SLC25A21: variants seen among roughly 807,000 people sequenced by gnomAD.
The protein encoded by SLC25A21 is mitochondrial 2-oxodicarboxylate carrier.
SLC25A21 carries 47 observed loss-of-function variants against 43.8 expected under a neutral mutation model. The observed-to-expected ratio is 1.07, with a 90% CI of 0.85 to 1.37. The LOEUF is 1.37. Ranked by LOEUF, SLC25A21 falls within the 40% of genes most tolerant of loss-of-function variation. SLC25A21 has a pLI of 0.00. For synonymous variants in SLC25A21, 131 were observed against 121.3 expected, an observed-to-expected ratio of 1.08 and a Z score of -0.52; for missense variants, 352 against 350.2, an observed-to-expected ratio of 1.00 and a Z score of -0.04.
intron 1 of SLC25A21, among the ~76,000 whole-genome samples, chr14:36,998,429 G>A (rs927545769): frequency 6.6e-6 from 1 of 152,150 alleles, no homozygotes; most frequent in African/African-American, 2.4e-5. Context: ...CATGAATCAT[G>A]AGGAATCATG....
intron 1 of SLC25A21, among the ~76,000 whole-genome samples, chr14:37,110,077 T>G (rs1962990376): frequency 6.6e-6 from 1 of 152,222 alleles, no homozygotes; most frequent in Non-Finnish European, 1.5e-5. Flanking sequence ...TGACCTGTGC[T>G]TTCCATAAAG....
intron 2 of SLC25A21, among the ~76,000 whole-genome samples, chr14:36,825,743 G>C (rs1888806944): frequency 6.6e-6 from 1 of 152,100 alleles, no homozygotes; most frequent in Non-Finnish European, 1.5e-5. Flanking sequence ...GGGAAACCTA[G>C]GTTTCCTAAA....
intron 2 of SLC25A21, among the ~76,000 whole-genome samples, chr14:36,834,961 G>A (rs1420387517): frequency 6.6e-6 from 1 of 152,194 alleles, no homozygotes; most frequent in Non-Finnish European, 1.5e-5. Flanking sequence ...AACTGCAAAT[G>A]TGAACTGGGA....
intron 1 of SLC25A21, among the ~76,000 whole-genome samples, chr14:36,967,618 T>C (rs1161742115): frequency 6.6e-6 from 1 of 152,224 alleles, no homozygotes; most frequent in African/African-American, 2.4e-5. Flanking sequence ...CTATTAGCCT[T>C]GTATCTTTAT....
At chr14:36,898,750 C>G (rs2138594451) in intron 1 of SLC25A21, among the ~76,000 whole-genome samples, 1 of 152,100 alleles carries the variant, frequency 6.6e-6, no homozygotes, top group East Asian at 1.9e-4. Flanking sequence ...ATGGTGGCCA[C>G]CAGAGCTGCC....
intron 2 of SLC25A21, among the ~76,000 whole-genome samples, chr14:36,820,983 A>G (rs1420348924): frequency 6.6e-6 from 1 of 152,270 alleles, no homozygotes; most frequent in Admixed American, 6.5e-5. Flanking sequence ...TTAAATAAAT[A>G]AAGATTTTAA....
At chr14:37,073,816 C>A (rs573309811) in intron 1 of SLC25A21, among the ~76,000 whole-genome samples, 9 of 152,244 alleles carry the variant, frequency 5.9e-5, no homozygotes, top group African/African-American at 2.2e-4. Context: ...AGGTTAGCCT[C>A]CTGCGATCCC....
chr14:37,000,965 T>C (rs140886773), intron 1 of SLC25A21, among the ~76,000 whole-genome samples: 14,639 of 152,116 alleles, frequency 0.096, 736 homozygotes, highest in Admixed American at 0.12. Flanking sequence ...CAGTCTCAGG[T>C]AGTTCTTTAT....
At chr14:37,000,686 A>T (rs1399718447) in intron 1 of SLC25A21, among the ~76,000 whole-genome samples, 1 of 152,146 alleles carries the variant, frequency 6.6e-6, no homozygotes, top group African/African-American at 2.4e-5. Flanking sequence ...ATGTCAGGGG[A>T]GGGACCTGGT....
At chr14:37,113,126 G>C (rs1396174524) in intron 1 of SLC25A21, among the ~76,000 whole-genome samples, 1 of 152,068 alleles carries the variant, frequency 6.6e-6, no homozygotes, top group East Asian at 1.9e-4. Flanking sequence ...ACCTCAGGTA[G>C]GTCAGATTTC....
At chr14:37,147,955 A>G (rs1963696964) in intron 1 of SLC25A21, among the ~76,000 whole-genome samples, 1 of 146,320 alleles carries the variant, frequency 6.8e-6, no homozygotes, top group Non-Finnish European at 1.5e-5. Flanking sequence ...CTCCTGCCTC[A>G]GCCTCCCGAG....
At chr14:36,986,293 C>T (rs1263495561) in intron 1 of SLC25A21, among the ~76,000 whole-genome samples, 1 of 152,158 alleles carries the variant, frequency 6.6e-6, no homozygotes, top group Non-Finnish European at 1.5e-5. Context: ...CTGTCTTCTT[C>T]CTTTTCATAT....
chr14:36,945,433 T>C (rs1431089513), intron 1 of SLC25A21, among the ~76,000 whole-genome samples: 1 of 152,164 alleles, frequency 6.6e-6, no homozygotes, highest in African/African-American at 2.4e-5. Flanking sequence ...AGCAGCGCTA[T>C]TCATGAGAGG....
At chr14:36,989,570 T>A (rs1332662400) in intron 1 of SLC25A21, among the ~76,000 whole-genome samples, 3 of 152,142 alleles carry the variant, frequency 2.0e-5, no homozygotes, top group Admixed American at 2.0e-4. Context: ...TCACATTATT[T>A]ATGAAGTCTT....
At chr14:37,115,579 ATATTGC>A (rs1963092659) in intron 1 of SLC25A21, among the ~76,000 whole-genome samples, 1 of 152,242 alleles carries the variant, frequency 6.6e-6, no homozygotes, top group South Asian at 2.1e-4. Flanking sequence ...TAACAATTCA[ATATTGC>A]TAACAGTGGT....
At chr14:37,015,910 T>G (rs1339713287) in intron 1 of SLC25A21, among the ~76,000 whole-genome samples, 1 of 152,012 alleles carries the variant, frequency 6.6e-6, no homozygotes, top group African/African-American at 2.4e-5. Flanking sequence ...TCTTGTAAAT[T>G]TGTTTGAGTT....
At chr14:37,116,010 A>C (rs909553738) in intron 1 of SLC25A21, among the ~76,000 whole-genome samples, 1 of 152,202 alleles carries the variant, frequency 6.6e-6, no homozygotes, top group African/African-American at 2.4e-5. Context: ...ATATTTATCT[A>C]TGTAAAACTG....
At chr14:37,052,287 A>C (rs1961724653) in intron 1 of SLC25A21, among the ~76,000 whole-genome samples, 1 of 152,188 alleles carries the variant, frequency 6.6e-6, no homozygotes, top group South Asian at 2.1e-4. Flanking sequence ...GAAGATTGAA[A>C]AATCGATAGT....
At chr14:37,051,093 A>G (rs971025593) in intron 1 of SLC25A21, among the ~76,000 whole-genome samples, 40 of 152,232 alleles carry the variant, frequency 2.6e-4, no homozygotes, top group Non-Finnish European at 4.3e-4. Flanking sequence ...CATCATTAAT[A>G]TCAAAGATCT....
Sources: allele counts gnomAD v4.1 joint callset (sites outside exome capture counted in the v4.1 genomes callset), GRCh38; gene constraint gnomAD v4.1.1; transcripts MANE v1.5; gene names NCBI Gene and HGNC (gene_info 2026-07-23, HGNC 2026-07-21).